The following EFCAB13 variants were observed in gnomAD, a reference collection of about 807,000 sequenced individuals.
EFCAB13 encodes EF-hand calcium binding domain 13, also known as EF-hand calcium-binding domain-containing protein 13.
Under a neutral mutation model 110.2 loss-of-function variants are expected in EFCAB13, and 91 were observed. That is an observed-to-expected ratio of 0.83 (90% CI 0.70 to 0.98). The LOEUF is 0.98. Among genes scored for constraint, EFCAB13 ranks in the 50% least tolerant of loss-of-function variants. EFCAB13 has a pLI of 0.00. For synonymous variants in EFCAB13, 323 were observed against 369.9 expected (o/e 0.87, Z 1.45); for missense variants, 968 against 1,119.4 (o/e 0.86, Z 1.93).
intron 20 of EFCAB13, among the ~76,000 whole-genome samples, chr17:47,408,357 A>G (rs1381388412): frequency 6.6e-6 from 1 of 152,178 alleles, no homozygotes; most frequent in Admixed American, 6.5e-5. Flanking sequence ...CTTCAGCTGA[A>G]AAATGTAATC....
At chr17:47,332,193 G>A (rs954948434) in intron 4 of EFCAB13, among the ~76,000 whole-genome samples, 1 of 152,104 alleles carries the variant, frequency 6.6e-6, no homozygotes, top group African/African-American at 2.4e-5. Flanking sequence ...CAGCAATGAT[G>A]AGAGTTCTTG....
At chr17:47,372,280 A>G (rs1041670566) in intron 11 of EFCAB13, among the ~76,000 whole-genome samples, 3 of 152,150 alleles carry the variant, frequency 2.0e-5, no homozygotes, top group Non-Finnish European at 4.4e-5. Flanking sequence ...GAAGCTTACA[A>G]AATATCTTGT....
chr17:47,345,394 C>A (rs565142341), intron 8 of EFCAB13, among the ~76,000 whole-genome samples: 1 of 152,172 alleles, frequency 6.6e-6, no homozygotes, highest in Admixed American at 6.5e-5. Context: ...TTAGTAAGTG[C>A]TGGAGTCACT....
chr17:47,423,055 A>T (rs561256158), intron 23 of EFCAB13, among the ~76,000 whole-genome samples: 1 of 152,342 alleles, frequency 6.6e-6, no homozygotes, highest in East Asian at 1.9e-4. Context: ...AAATGATGTT[A>T]TTTCAACTGA....
At chr17:47,399,729 G>T (rs886505074) in intron 17 of EFCAB13, among the ~76,000 whole-genome samples, 1 of 151,724 alleles carries the variant, frequency 6.6e-6, no homozygotes, top group Non-Finnish European at 1.5e-5. Context: ...ATTCCATGTT[G>T]ACTCCTTAAT....
chr17:47,403,361 T>C (rs753284344), intron 18 of EFCAB13, among the ~76,000 whole-genome samples: 4 of 152,196 alleles, frequency 2.6e-5, no homozygotes, highest in Non-Finnish European at 5.9e-5. Flanking sequence ...TGCTCACAGT[T>C]GCACAGTTCC....
At chr17:47,434,400 AAG>A (rs1905174108) in intron 24 of EFCAB13, among the ~76,000 whole-genome samples, 1 of 152,192 alleles carries the variant, frequency 6.6e-6, no homozygotes, top group East Asian at 1.9e-4. Flanking sequence ...ACACTGCTGA[AAG>A]AGAGTATCAG....
intron 17 of EFCAB13, among the ~76,000 whole-genome samples, chr17:47,398,023 C>T (rs1489168197): frequency 7.0e-6 from 1 of 143,006 alleles, no homozygotes; most frequent in Non-Finnish European, 1.5e-5. Context: ...GTGGGGGGAT[C>T]AGCCCCTGCC....
At chr17:47,418,932 A>T (rs1388026199) in intron 23 of EFCAB13, among the ~76,000 whole-genome samples, 1 of 152,186 alleles carries the variant, frequency 6.6e-6, no homozygotes, top group African/African-American at 2.4e-5. Flanking sequence ...TCAATATCAC[A>T]TACTTTTGAT....
chr17:47,384,143 CA>C (rs576938752), intron 14 of EFCAB13, among the ~76,000 whole-genome samples: 3,560 of 144,632 alleles, frequency 0.025, 99 homozygotes, highest in East Asian at 0.18. Flanking sequence ...TTGCAACCCC[CA>C]GTTTTTTTTT....
chr17:47,397,663 C>T (rs1416869267), intron 17 of EFCAB13, among the ~76,000 whole-genome samples: 4 of 151,490 alleles, frequency 2.6e-5, no homozygotes, highest in African/African-American at 4.9e-5. Context: ...TCTACCCCGC[C>T]GCCCCGCCTG....
intron 20 of EFCAB13, among the ~76,000 whole-genome samples, chr17:47,408,389 A>G (rs1447516548): frequency 6.6e-6 from 1 of 152,034 alleles, no homozygotes; most frequent in Non-Finnish European, 1.5e-5. Flanking sequence ...AGTGGCTCAT[A>G]CCTATACTCT....
Position 47,336,182 on chromosome 17 carries a change from A to G in EFCAB13, c.191+826A>G, listed in dbSNP as rs2065348846. 1.3e-5 allele frequency among the ~76,000 whole-genome samples: 2 copies of G among 151,088 alleles called. 1 individual carries two copies. Among genetic ancestry groups the G allele is most frequent in the South Asian group, 4.2e-4 (2 of 4,796 alleles). On this transcript the variant is annotated intron_variant, in intron 5 of 24. Transcript: ENST00000331493. ...CACTCTGTCACCCAGGCTGGAGTGCAGTGGCGCAGCCATGGCTCACTGCAA... is the reference window on the plus strand; with the variant it reads ...CACTCTGTCACCCAGGCTGGAGTGCGGTGGCGCAGCCATGGCTCACTGCAA...
At chr17:47,324,930 C>T (rs2065272071) in intron 2 of EFCAB13, among the ~76,000 whole-genome samples, 1 of 147,644 alleles carries the variant, frequency 6.8e-6, no homozygotes, top group Admixed American at 6.8e-5. Context: ...GTCTCCTTAC[C>T]ACCCCACCCA....
At chr17:47,404,165 G>A (rs965528545) in intron 19 of EFCAB13, 144 bp downstream of exon 19, 2 of 693,082 alleles carry the variant, frequency 2.9e-6, no homozygotes, top group Non-Finnish European at 4.5e-6. Context: ...TTGCAGTTAT[G>A]AGAATACTTC....
chr17:47,412,150 G>A (rs1290707466), intron 21 of EFCAB13, among the ~76,000 whole-genome samples: 2 of 152,196 alleles, frequency 1.3e-5, no homozygotes, highest in Non-Finnish European at 2.9e-5. Flanking sequence ...TAATGATTAT[G>A]TTTTATATTT....
At chr17:47,345,204 T>C (rs1009290973) in intron 8 of EFCAB13, 106 bp downstream of exon 8, 1 of 715,804 alleles carries the variant, frequency 1.4e-6, no homozygotes, top group African/African-American at 1.8e-5. Context: ...TGGCTTATGG[T>C]ATCAACTGAT....
chr17:47,333,854 T>C (rs150524836), intron 4 of EFCAB13, among the ~76,000 whole-genome samples: 2 of 152,340 alleles, frequency 1.3e-5, no homozygotes, highest in African/African-American at 4.8e-5. Flanking sequence ...TATCATCTGT[T>C]TTGAAATTAG....
chr17:47,379,152 A>G lies in EFCAB13; in HGVS notation c.1511-30A>G, dbSNP rs757388682. 55 of 1,559,772 alleles carry G rather than the reference A, an allele frequency of 3.5e-5. No homozygotes were observed. The East Asian group carries it at 1.2e-3, about 33-fold the overall frequency. ...TGCCTTTATGCAAAAATACACCAGA[A>G]TGTATAATCTAAACTCTTTTTAAAA... On this transcript the variant is annotated intron_variant, in intron 13 of 24. Coordinates refer to ENST00000331493, the MANE Select transcript of EFCAB13 (RefSeq NM_152347.5).
Sources: gnomAD v4.1 joint callset for allele counts (sites outside exome capture counted in the v4.1 genomes callset) on GRCh38, gnomAD v4.1.1 for gene constraint, MANE v1.5 for transcripts, NCBI Gene and HGNC (gene_info 2026-07-23, HGNC 2026-07-21) for gene names.